The following PPID variants were observed in gnomAD, a reference collection of about 807,000 sequenced individuals.
PPID encodes the protein peptidylprolyl isomerase D.
In PPID, 47 loss-of-function variants were observed where a neutral mutation model predicts 48.1. That is an observed-to-expected ratio of 0.98 (90% confidence interval 0.77 to 1.25). PPID has a LOEUF of 1.25. Among genes scored for constraint, PPID ranks in the 50% most tolerant of loss-of-function variants. PPID has a pLI of 0.00. For missense variants in PPID, 429 were observed against 443.5 expected (o/e 0.97, Z 0.29); for synonymous variants, 163 against 148.8 (o/e 1.10, Z -0.69).
At chr4:158,712,229 T>C (rs551901434) in intron 7 of PPID, among the ~76,000 whole-genome samples, 2 of 152,332 alleles carry the variant, frequency 1.3e-5, no homozygotes, top group South Asian at 4.1e-4. Flanking sequence ...GCCACCTTTC[T>C]AGCTTTATCA....
At position 158,721,279 on chromosome 4, in the gene PPID, C is replaced by T. The variant is rs1774954594; in HGVS notation, c.226+64G>A. On this transcript the variant is annotated intron_variant, in intron 2 of 9. Transcript: ENST00000307720. ...ACTTCCTACTTAGTGTTTTCTTCCC[C>T]AAATCCTAAAGAACAGGACTTGTCT... 9.0e-6 allele frequency: 14 copies of T among 1,561,516 alleles called. 1 individual carries two copies. The South Asian group carries it at 1.5e-4, about 17-fold the overall frequency.
intron 2 of PPID, among the ~76,000 whole-genome samples, chr4:158,719,655 C>T (rs1043200393): frequency 2.6e-5 from 4 of 152,184 alleles, no homozygotes; most frequent in Non-Finnish European, 5.9e-5. Context: ...TCCTTAAGTA[C>T]ACCAACTGTA....
At chr4:158,720,828 C>T (rs566118790) in intron 2 of PPID, among the ~76,000 whole-genome samples, 35 of 152,222 alleles carry the variant, frequency 2.3e-4, no homozygotes, top group African/African-American at 7.9e-4. Flanking sequence ...CATTCTACTG[C>T]CTCAGCCTCC....
chr4:158,718,496 G>A (rs1208520741), intron 3 of PPID, among the ~76,000 whole-genome samples: 1 of 152,094 alleles, frequency 6.6e-6, no homozygotes, highest in Non-Finnish European at 1.5e-5. Flanking sequence ...TTGTCTCTGA[G>A]GTAGGATTAT....
chr4:158,710,470 GTCTTGTTCATTGCTATA>G, intron 9 of PPID, 141 bp downstream of exon 9: 1 of 727,438 alleles, frequency 1.4e-6, no homozygotes, highest in Non-Finnish European at 2.4e-6. Context: ...GACTTTGACT[GTCTTGTTCATTGCTATA>G]TGATAATGCC....
chr4:158,715,325 C>A lies in PPID; in HGVS notation c.724G>T (p.Ala242Ser). The A allele has an allele frequency of 2.0e-6, 3 of 1,528,594 alleles. No individual in the cohort carries two copies. Among genetic ancestry groups the A allele is most frequent in the Non-Finnish European group, 2.6e-6 (3 of 1,139,648 alleles). 94.7% of individuals were successfully genotyped at this position (1,528,594 alleles called of 1,614,324 possible). A position where few individuals can be genotyped will look rare whatever the true frequency, so the allele number is the denominator to read the frequency against. The change falls in exon 6 of 10, where the codon GCT becomes TCT. Residue 242 changes from alanine (A) to serine (S), a missense_variant. Coordinates refer to ENST00000307720, the MANE Select transcript of PPID (RefSeq NM_005038.3). Reference sequence around the variant, plus strand: ...AAAACTTCTGCATATTTTTTAATAGCCATCTCCCAGTTCTGGGATTTGAAA... The same window carrying A: ...AAAACTTCTGCATATTTTTTAATAGACATCTCCCAGTTCTGGGATTTGAAA... ...TFFKSQNWEM[A>S]IKKYAEVLRY...
At position 158,719,265 on chromosome 4, in the gene PPID, TG is replaced by T. The variant is rs1466006040; in HGVS notation, c.247del (p.Gln83ArgfsTer36). The T allele has an allele frequency of 1.2e-6, 2 of 1,608,032 alleles. No homozygotes were observed. The highest frequency in any genetic ancestry group is 1.3e-5 in the African/African-American group (1 of 74,758). On this transcript the variant is annotated frameshift_variant, in exon 3 of 10. Coordinates refer to ENST00000307720, the MANE Select transcript of PPID (RefSeq NM_005038.3). LOFTEE classifies it high-confidence loss of function. ...ATTCTGATTTGAGAAGTCTCCACCC[TG>T]AATCATAAATTTCTTAATAACTACA... Reference protein sequence around the residue: ...FHRIIKKFMIQGGDFSNQNGT... With the variant: ...FHRIIKKFMIXGGDFSNQNGT...
chr4:158,716,892 C>T lies in PPID; in HGVS notation c.522+120G>A, dbSNP rs1180010231. 2.5e-5 allele frequency: 24 copies of T among 976,890 alleles called. No individual in the cohort carries two copies. The East Asian group carries it at 6.0e-4, about 25-fold the overall frequency. The allele number at this position is 976,890 out of a possible 1,614,324, so 60.5% of individuals were successfully genotyped here. Reference sequence around the variant, plus strand: ...AGGAGAATAGCTTGAACCTGGGAGACAGAGGCTGCAGTGAGCCGAGACCGC... The same window carrying T: ...AGGAGAATAGCTTGAACCTGGGAGATAGAGGCTGCAGTGAGCCGAGACCGC... On this transcript the variant is annotated intron_variant, in intron 4 of 9. Transcript: ENST00000307720.
Position 158,723,269 on chromosome 4 carries a change from TG to T in PPID, c.19del (p.Gln7LysfsTer28), listed in dbSNP as rs752465522. MSHPSP[Q>X]AKPSNPSNPR... ...GTTACTGGGGTTGGAGGGCTTGGCT[TG>T]GGGGGACGGGTGCGACATCTTGACT... On this transcript the variant is annotated frameshift_variant, in exon 1 of 10. Transcript: ENST00000307720. LOFTEE classifies it high-confidence loss of function. 19 of 1,613,748 alleles carry T rather than the reference TG, an allele frequency of 1.2e-5. No individual in the cohort carries two copies. In the South Asian group the frequency reaches 1.3e-4, roughly 11 times the overall value.
At chr4:158,710,938 C>G (rs1774780903) in intron 7 of PPID, 90 bp from the exon 8 acceptor site, 2 of 1,143,652 alleles carry the variant, frequency 1.7e-6, no homozygotes, top group African/African-American at 3.1e-5. Flanking sequence ...CCAAACCCAT[C>G]CTTCACTGCT....
Position 158,709,380 on chromosome 4 carries a change from A to C in PPID, c.*356T>G. On this transcript the variant is annotated 3_prime_UTR_variant, in exon 10 of 10. Coordinates refer to ENST00000307720, the MANE Select transcript of PPID (RefSeq NM_005038.3). Reference sequence around the variant, plus strand: ...AACCCCATCTCTACTAAAAATACAAAAATTAGCTGGGCGTGGTGGCACGTG... The same window carrying C: ...AACCCCATCTCTACTAAAAATACAACAATTAGCTGGGCGTGGTGGCACGTG... 5.9e-6 allele frequency: 1 copy of C among 168,588 alleles called. No individual in the cohort carries two copies. The highest frequency in any genetic ancestry group is 1.5e-4 in the South Asian group (1 of 6,548). 10.4% of individuals were successfully genotyped at this position (168,588 alleles called of 1,614,324 possible). A position where few individuals can be genotyped will look rare whatever the true frequency, so the allele number is the denominator to read the frequency against.
At position 158,709,823 on chromosome 4, in the gene PPID, AG is replaced by A. The variant is rs765180610; in HGVS notation, c.1025del (p.Ala342ValfsTer7). On this transcript the variant is annotated frameshift_variant and splice_region_variant, in exon 10 of 10. Transcript: ENST00000307720. LOFTEE classifies it high-confidence loss of function. ...TGACTTTCAGCAATTCTGCCTGGAT[AG>A]CTGTAAAATAAATATGCAATGTGAG... ...KAQGIAPEDK[A>X]IQAELLKVKQ... 8 of 1,603,642 alleles carry A rather than the reference AG, an allele frequency of 5.0e-6. No individual in the cohort carries two copies. The highest frequency in any genetic ancestry group is 6.8e-6 in the Non-Finnish European group (8 of 1,172,178).
chr4:158,709,785 TTTATC>T lies in PPID; in HGVS notation c.1059_1063del (p.Ile354GlyfsTer5). On this transcript the variant is annotated frameshift_variant, in exon 10 of 10. Coordinates refer to ENST00000307720, the MANE Select transcript of PPID (RefSeq NM_005038.3). LOFTEE classifies it high-confidence loss of function. ...TGCCTTCTCTTTATCTTTCTGTGCC[TTTATC>T]TTTTGTTTGACTTTCAGCAATTCTG... The T allele has an allele frequency of 1.2e-6, 2 of 1,611,960 alleles. No individual in the cohort carries two copies. Among genetic ancestry groups the T allele is most frequent in the Non-Finnish European group, 1.7e-6 (2 of 1,178,902 alleles).
intron 6 of PPID, among the ~76,000 whole-genome samples, chr4:158,713,774 T>C (rs1774827042): frequency 1.0e-5 from 1 of 95,468 alleles, no homozygotes; most frequent in Non-Finnish European, 2.3e-5. Context: ...TAAGATGAGC[T>C]TAGAGCAAGC....
intron 9 of PPID, 133 bp downstream of exon 9, chr4:158,710,495 G>T: frequency 1.1e-6 from 1 of 904,740 alleles, no homozygotes; most frequent in South Asian, 1.4e-5. Context: ...ATATGATAAT[G>T]CCTGGCCCAA....
intron 6 of PPID, among the ~76,000 whole-genome samples, chr4:158,714,577 T>G (rs535413592): frequency 1.3e-5 from 2 of 151,726 alleles, no homozygotes; most frequent in African/African-American, 4.9e-5. Context: ...ACTGGGGAAG[T>G]TGGAATATGG....
chr4:158,723,207 G>A lies in PPID; in HGVS notation c.82C>T (p.Arg28Ter). The A allele has an allele frequency of 6.2e-7, 1 of 1,613,230 alleles. No homozygotes were observed. Among genetic ancestry groups the A allele is most frequent in the Non-Finnish European group, 8.5e-7 (1 of 1,179,568 alleles). ...VFFDVDIGGE[R>*]VGRIVLELFA... is the part of the protein sequence containing the mutation. Reference sequence around the variant, plus strand: ...GCGAGCGTCAGACTCCGCTCACCTCGCTCCCCTCCGATGTCCACGTCAAAG... The same window carrying A: ...GCGAGCGTCAGACTCCGCTCACCTCACTCCCCTCCGATGTCCACGTCAAAG... The change falls in exon 1 of 10, where the codon CGA becomes TGA. Residue 28 changes from arginine (R) to a stop codon, truncating the protein, a stop_gained. Transcript: ENST00000307720. LOFTEE classifies it high-confidence loss of function.
rs1391549099 is a variant in PPID at position 158,719,123 on chromosome 4, A to G, written c.333+57T>C. ...TTTTTGGTGTCTTAATCCAACAAGT[A>G]TTCCAGATATATAACAATCTTTTTA... On this transcript the variant is annotated intron_variant, in intron 3 of 9. Coordinates refer to ENST00000307720, the MANE Select transcript of PPID (RefSeq NM_005038.3). 1.1e-5 allele frequency: 13 copies of G among 1,172,226 alleles called. No homozygotes were observed. In the East Asian group the frequency reaches 3.1e-4, roughly 28 times the overall value. 72.6% of individuals were successfully genotyped at this position (1,172,226 alleles called of 1,614,324 possible).
chr4:158,722,344 C>T (rs1774976378), intron 1 of PPID, among the ~76,000 whole-genome samples: 1 of 152,242 alleles, frequency 6.6e-6, no homozygotes, highest in African/African-American at 2.4e-5. Flanking sequence ...CCACGTGTTA[C>T]GTATACCTGC....
Sources: allele counts gnomAD v4.1 joint callset (sites outside exome capture counted in the v4.1 genomes callset), GRCh38; gene constraint gnomAD v4.1.1; transcripts MANE v1.5; gene names NCBI Gene and HGNC (gene_info 2026-07-23, HGNC 2026-07-21).